The following TNRC18 variants were observed in gnomAD, a reference collection of about 807,000 sequenced individuals.
The protein encoded by TNRC18 is trinucleotide repeat containing 18, also known as trinucleotide repeat-containing gene 18 protein.
A neutral mutation model predicts 226.7 loss-of-function variants in TNRC18; 69 were observed. The observed-to-expected ratio is 0.30, with a 90% CI of 0.25 to 0.37. The LOEUF (loss-of-function observed/expected upper bound fraction) is 0.37, where lower values mean the gene tolerates loss of function less well. Among genes scored for constraint, TNRC18 ranks in the 10% least tolerant of loss-of-function variants. The probability of loss-of-function intolerance (pLI) is 1.00; values close to 1 mark genes in which losing one functional copy is unlikely to be tolerated. For synonymous variants in TNRC18, 2,449 were observed against 1,927.6 expected, an observed-to-expected ratio of 1.27 and a Z score of -7.09; for missense variants, 4,754 against 4,256.6, an observed-to-expected ratio of 1.12 and a Z score of -3.25.
At chr7:5,348,441 C>T (rs1029558623) in intron 17 of TNRC18, among the ~76,000 whole-genome samples, 6 of 152,138 alleles carry the variant, frequency 3.9e-5, no homozygotes, top group Non-Finnish European at 5.9e-5. Context: ...ACGGGGAAGA[C>T]GGACAGCCAA....
At position 5,313,516 on chromosome 7, in the gene TNRC18, C is replaced by T. The variant is rs560747034; in HGVS notation, c.7375G>A (p.Glu2459Lys). 39 of 1,612,988 alleles carry T rather than the reference C, an allele frequency of 2.4e-5. No homozygotes were observed. In the African/African-American group the frequency reaches 2.9e-4, roughly 12 times the overall value. ...KGPRRPGEEA[E>K]LLVKLDHEGV... Reference sequence around the variant, plus strand: ...TCGTGGTCCAGTTTGACAAGCAGCTCGGCCTCCTCCCCCGGCCTCCGAGGG... The same window carrying T: ...TCGTGGTCCAGTTTGACAAGCAGCTTGGCCTCCTCCCCCGGCCTCCGAGGG... Residue 2459 changes from glutamate (E) to lysine (K), a missense_variant, in exon 27 of 30, where the codon GAG (glutamate) becomes AAG (lysine). Transcript: ENST00000430969.
At chr7:5,346,835 A>G (rs1435226537) in intron 17 of TNRC18, among the ~76,000 whole-genome samples, 1 of 152,142 alleles carries the variant, frequency 6.6e-6, no homozygotes, top group Admixed American at 6.5e-5. Flanking sequence ...GGAGAAAGCC[A>G]TTTGCAAGCT....
chr7:5,420,475 CG>C (rs1381931382), intron 2 of TNRC18: 3 of 451,766 alleles, frequency 6.6e-6, no homozygotes, highest in African/African-American at 6.0e-5. Context: ...GCCGTTCTCC[CG>C]GGGAAGAAAG....
intron 2 of TNRC18, among the ~76,000 whole-genome samples, chr7:5,395,054 G>A (rs1417561987): frequency 6.6e-6 from 1 of 152,170 alleles, no homozygotes; most frequent in Admixed American, 6.5e-5. Flanking sequence ...GGCCCAGAGA[G>A]GACACCCACC....
intron 19 of TNRC18, among the ~76,000 whole-genome samples, chr7:5,330,829 A>G (rs1056994111): frequency 1.1e-4 from 17 of 151,978 alleles, no homozygotes; most frequent in Non-Finnish European, 2.2e-4. Context: ...ACCCGCCACC[A>G]TGCCTGGCTA....
In TNRC18 at chr7:5,308,172, G is replaced by C. The variant is rs374341519; in HGVS notation, c.8841C>G (p.Leu2947=). 2 of 1,593,654 alleles carry C rather than the reference G, an allele frequency of 1.3e-6. No individual in the cohort carries two copies. The highest frequency in any genetic ancestry group is 1.7e-6 in the Non-Finnish European group (2 of 1,171,206). ...KYQDSEGLYY[L]AGTYEPTTGM... is the part of the protein sequence containing the mutation. ...CCGTGGTGGGCTCGTAGGTGCCCGC[G>C]AGGTAGTACAGGCCCTCGCTGTCCT... Residue 2947 remains leucine (L), a synonymous_variant, in exon 30 of 30, where the codon CTC becomes CTG. Transcript: ENST00000430969.
chr7:5,400,059 T>G (rs1479116517), intron 2 of TNRC18, among the ~76,000 whole-genome samples: 3 of 142,762 alleles, frequency 2.1e-5, no homozygotes, highest in Non-Finnish European at 4.8e-5. Context: ...ACAGCTCATT[T>G]TTATTTTTTC....
At chr7:5,353,656 G>A (rs559856979) in intron 16 of TNRC18, among the ~76,000 whole-genome samples, 130 of 151,168 alleles carry the variant, frequency 8.6e-4, no homozygotes, top group Admixed American at 1.8e-3. Context: ...TTCGACCTCC[G>A]TCCAGCTCAG....
At chr7:5,381,744 C>G (rs565169060) in intron 5 of TNRC18, among the ~76,000 whole-genome samples, 1 of 152,204 alleles carries the variant, frequency 6.6e-6, no homozygotes, top group South Asian at 2.1e-4. Context: ...GGTGGGCAGA[C>G]CACCCAAGGT....
intron 14 of TNRC18, 122 bp downstream of exon 14, chr7:5,361,472 G>A (rs1793041239): frequency 7.3e-6 from 9 of 1,231,802 alleles, no homozygotes; most frequent in Non-Finnish European, 9.7e-6. Context: ...CACTGCTGCG[G>A]GTAGGTCAGA....
chr7:5,356,027 G>T (rs1485791873), intron 16 of TNRC18, among the ~76,000 whole-genome samples: 4 of 152,086 alleles, frequency 2.6e-5, no homozygotes, highest in Non-Finnish European at 5.9e-5. Context: ...AGCTGGGTGT[G>T]GTGGCACAAG....
chr7:5,387,676 G>C lies in TNRC18; in HGVS notation c.2148C>G (p.Val716=), dbSNP rs1227982214. 6.2e-7 allele frequency: 1 copy of C among 1,603,788 alleles called. No individual in the cohort carries two copies. Among genetic ancestry groups the C allele is most frequent in the Admixed American group, 1.7e-5 (1 of 60,024 alleles). ...TGGGCTCTGCCCAGGACCTACCTTT[G>C]ACGTTACTCAGCGACAGAGAGCGCT... ...DQERSLSLSN[V]KGHGRADEDC... Residue 716 remains valine (V), a synonymous_variant, in exon 5 of 30, where the codon GTC becomes GTG. Coordinates refer to ENST00000430969, the MANE Select transcript of TNRC18 (RefSeq NM_001080495.3).
intron 17 of TNRC18, among the ~76,000 whole-genome samples, chr7:5,348,920 G>T (rs1022956487): frequency 2.0e-5 from 3 of 147,596 alleles, no homozygotes; most frequent in African/African-American, 7.5e-5. Flanking sequence ...CCCACATCAG[G>T]TCTCCCTGGG....
intron 16 of TNRC18, among the ~76,000 whole-genome samples, chr7:5,354,713 G>T (rs940966326): frequency 6.6e-6 from 1 of 152,080 alleles, no homozygotes; most frequent in African/African-American, 2.4e-5. Flanking sequence ...ATGAGTCCTG[G>T]TGACCTGCTA....
Position 5,377,826 on chromosome 7 carries a change from C to A in TNRC18, c.2255+96G>T. On this transcript the variant is annotated intron_variant, in intron 6 of 29. Coordinates refer to ENST00000430969, the MANE Select transcript of TNRC18 (RefSeq NM_001080495.3). This position sits in a 1 kb window ranked among gnomAD's most constrained non-coding sequence, Gnocchi z 5.8. ...CTCTCAGTACCATAGCATCCATGGT[C>A]GAGGGGCCAAGCCCACCTGGGGTCA... The A allele has an allele frequency of 7.9e-7, 1 of 1,261,394 alleles. No homozygotes were observed. Among genetic ancestry groups the A allele is most frequent in the South Asian group, 1.3e-5 (1 of 75,910 alleles). The allele number at this position is 1,261,394 out of a possible 1,614,324, so 78.1% of individuals were successfully genotyped here.
In TNRC18 at chr7:5,398,643, GTCTC is replaced by G. The variant is rs1430674479; in HGVS notation, c.188-4052_188-4049del. On this transcript the variant is annotated intron_variant, in intron 2 of 29. Coordinates refer to ENST00000430969, the MANE Select transcript of TNRC18 (RefSeq NM_001080495.3). ...CTCTTTTCTTTTTTTTAAAGACAGG[GTCTC>G]TCTCTGTTCACCCAGGCTGTAGTGC... 3.4e-4 allele frequency among the ~76,000 whole-genome samples: 50 copies of G among 146,364 alleles called. No homozygotes were observed. The Admixed American group carries it at 3.5e-3, about 10-fold the overall frequency.
chr7:5,397,551 A>C (rs1161609733), intron 2 of TNRC18, among the ~76,000 whole-genome samples: 2 of 152,154 alleles, frequency 1.3e-5, no homozygotes, highest in East Asian at 3.9e-4. Context: ...ACTCTGTAAA[A>C]TGGACACACA....
intron 2 of TNRC18, among the ~76,000 whole-genome samples, chr7:5,406,202 C>G (rs920710970): frequency 6.6e-6 from 1 of 152,120 alleles, no homozygotes; most frequent in Non-Finnish European, 1.5e-5. Flanking sequence ...CAGTGGCTCA[C>G]GCCTGTAATC....
chr7:5,314,052 G>A (rs1787590093), intron 26 of TNRC18, among the ~76,000 whole-genome samples, 189 bp from the exon 27 acceptor site: 1 of 151,970 alleles, frequency 6.6e-6, no homozygotes, highest in Non-Finnish European at 1.5e-5. Context: ...TAACCTGCCT[G>A]GGCTCATGTG....
Sources: allele counts gnomAD v4.1 joint callset (sites outside exome capture counted in the v4.1 genomes callset), GRCh38; gene constraint gnomAD v4.1.1; non-coding constraint Gnocchi (gnomAD v3.1); transcripts MANE v1.5; gene names NCBI Gene and HGNC (gene_info 2026-07-23, HGNC 2026-07-21).